The following SRFBP1 variants were observed in gnomAD, a reference collection of about 807,000 sequenced individuals.
SRFBP1 encodes serum response factor binding protein 1.
In SRFBP1, 47 loss-of-function variants were observed where a neutral mutation model predicts 45.5. That is an observed-to-expected ratio of 1.03 (90% CI 0.82 to 1.32). The LOEUF (loss-of-function observed/expected upper bound fraction) is 1.32, where lower values mean the gene tolerates loss of function less well. SRFBP1 is among the 40% of genes most tolerant of loss of function. The pLI is 0.00. For synonymous variants in SRFBP1, 203 were observed against 166.3 expected, an observed-to-expected ratio of 1.22 and a Z score of -1.70; for missense variants, 621 against 484.6, an observed-to-expected ratio of 1.28 and a Z score of -2.64.
intron 3 of SRFBP1, among the ~76,000 whole-genome samples, chr5:121,993,504 C>T (rs1310509204): frequency 1.3e-5 from 2 of 152,046 alleles, no homozygotes; most frequent in Non-Finnish European, 2.9e-5. Flanking sequence ...GGCAGTAGGC[C>T]AGAAAGATGA....
chr5:122,020,739 C>G lies in SRFBP1; in HGVS notation c.1004C>G (p.Thr335Arg). ...DTRNDKIKPS[T>R]ETRKLESVFF... ...AGAAATGACAAAATCAAGCCAAGTA[C>G]AGAAACCAGAAAGTTAGAATCAGTG... The change falls in exon 6 of 8, where the codon ACA (threonine) becomes AGA (arginine). Residue 335 changes from threonine to arginine, a missense_variant. Thr to Arg is a moderately conservative substitution (Grantham distance 71). Coordinates refer to ENST00000339397, the MANE Select transcript of SRFBP1 (RefSeq NM_152546.3). 1.2e-6 allele frequency: 2 copies of G among 1,606,194 alleles called. No individual in the cohort carries two copies. The highest frequency in any genetic ancestry group is 1.7e-6 in the Non-Finnish European group (2 of 1,177,972).
In SRFBP1 at chr5:121,988,573, G is replaced by A. The variant is rs539962402; in HGVS notation, c.199-6026G>A. On this transcript the variant is annotated intron_variant, in intron 3 of 7. Coordinates refer to ENST00000339397, the MANE Select transcript of SRFBP1 (RefSeq NM_152546.3). Reference sequence around the variant, plus strand: ...GTTCAAAGTGTTGTCAACCAGGAAAGCTCACCTGAGCCTAGGTGTTGAGGG... The same window carrying A: ...GTTCAAAGTGTTGTCAACCAGGAAAACTCACCTGAGCCTAGGTGTTGAGGG... 2.6e-5 allele frequency among the ~76,000 whole-genome samples: 4 copies of A among 152,348 alleles called. No homozygotes were observed. The South Asian group carries it at 8.3e-4, about 32-fold the overall frequency.
chr5:122,015,598 CTT>C (rs1219220313), intron 4 of SRFBP1, among the ~76,000 whole-genome samples: 1 of 152,208 alleles, frequency 6.6e-6, no homozygotes, highest in African/African-American at 2.4e-5. Flanking sequence ...AAATGAATGA[CTT>C]TGGCTTTGTT....
At chr5:121,962,220 C>A in intron 1 of SRFBP1, 152 bp downstream of exon 1, 1 of 877,536 alleles carries the variant, frequency 1.1e-6, no homozygotes, top group Non-Finnish European at 1.8e-6. Flanking sequence ...GTTTGGCAAC[C>A]GGTAATTTCC....
intron 4 of SRFBP1, among the ~76,000 whole-genome samples, chr5:122,012,174 T>G (rs557663575): frequency 6.6e-6 from 1 of 152,206 alleles, no homozygotes; most frequent in South Asian, 2.1e-4. Flanking sequence ...GATAAAATCT[T>G]TGGTCCATTT....
intron 4 of SRFBP1, among the ~76,000 whole-genome samples, chr5:122,008,165 T>G (rs1368734815): frequency 6.6e-6 from 1 of 151,792 alleles, no homozygotes; most frequent in Middle Eastern, 3.2e-3. Context: ...TGGGCTGCCC[T>G]GAAGCCTAGG....
At chr5:122,073,447 GC>G (rs1359216527) in intron 2 of SRFBP1, among the ~76,000 whole-genome samples, 2 of 152,122 alleles carry the variant, frequency 1.3e-5, no homozygotes, top group East Asian at 3.8e-4. Flanking sequence ...TTTTTAAAGT[GC>G]TTTTAAAGAA....
In SRFBP1 at chr5:121,980,714, A is replaced by C. The variant is rs139296160; in HGVS notation, c.198+5327A>C. On this transcript the variant is annotated intron_variant, in intron 3 of 7. Transcript: ENST00000339397. ...TGGATTTGGTTATTTTTTTCGAATA[A>C]GTGGTTGTTTGAATGAATTTTCTTG... Among the ~76,000 whole-genome samples, 313 of 152,186 alleles carry C rather than the reference A, an allele frequency of 2.1e-3. 2 individuals carry two copies. Among genetic ancestry groups the C allele is most frequent in the South Asian group, 4.1e-3 (20 of 4,822 alleles).
At position 121,967,345 on chromosome 5, in the gene SRFBP1, A is replaced by G. The variant is rs575058254; in HGVS notation, c.36+5277A>G. On this transcript the variant is annotated intron_variant, in intron 1 of 7. Coordinates refer to ENST00000339397, the MANE Select transcript of SRFBP1 (RefSeq NM_152546.3). ...AATATTAAATTAGGGCATTTCCGTAAGAACCAATTTGTGTTTAGTTATTAA... is the reference window on the plus strand; with the variant it reads ...AATATTAAATTAGGGCATTTCCGTAGGAACCAATTTGTGTTTAGTTATTAA... Among the ~76,000 whole-genome samples the G allele has an allele frequency of 2.6e-5, 4 of 152,282 alleles. No individual in the cohort carries two copies. The East Asian group carries it at 5.8e-4, about 22-fold the overall frequency.
At chr5:122,057,459 CTGTGTGTGTGTGTGTGTGTGTGTGTG>C (rs3028227) in intron 2 of SRFBP1, among the ~76,000 whole-genome samples, 1 of 146,430 alleles carries the variant, frequency 6.8e-6, no homozygotes, top group Non-Finnish European at 1.5e-5. Flanking sequence ...GTTCTCAGTT[CTGTGTGTGTGTGTGTGTGTGTGTGTG>C]TGTGTGTGTA....
intron 2 of SRFBP1, among the ~76,000 whole-genome samples, chr5:122,061,330 A>G (rs898625762): frequency 6.6e-6 from 1 of 151,834 alleles, no homozygotes; most frequent in Non-Finnish European, 1.5e-5. Context: ...AGAACTGGCA[A>G]TATTGTTTCT....
intron 4 of SRFBP1, among the ~76,000 whole-genome samples, chr5:122,017,043 A>G (rs1193742672): frequency 6.6e-6 from 1 of 152,108 alleles, no homozygotes; most frequent in African/African-American, 2.4e-5. Flanking sequence ...AGCCTGGCCA[A>G]CGTGGTGAAA....
chr5:122,001,546 CTTTTTTTTTTTTTTT>C lies in SRFBP1; in HGVS notation c.270+6888_270+6902del, dbSNP rs1166482651. 2.9e-5 allele frequency among the ~76,000 whole-genome samples: 3 copies of C among 104,888 alleles called. No individual in the cohort carries two copies. The Admixed American group carries it at 2.9e-4, about 10-fold the overall frequency. The allele number at this position is 104,888 out of a possible 152,430, so 68.8% of individuals were successfully genotyped here. ...AAGAAGCCAAGTCATCCTTTGGTATCTTTTTTTTTTTTTTTTTTTTTTTTTTGAGACGGAGTCTCG... is the reference window on the plus strand; with the variant it reads ...AAGAAGCCAAGTCATCCTTTGGTATCTTTTTTTTTTTGAGACGGAGTCTCG... On this transcript the variant is annotated intron_variant, in intron 4 of 7. Transcript: ENST00000339397.
chr5:122,000,235 A>C (rs570796051), intron 4 of SRFBP1, among the ~76,000 whole-genome samples: 1 of 152,064 alleles, frequency 6.6e-6, no homozygotes, highest in Admixed American at 6.5e-5. Flanking sequence ...TATGCCTTCT[A>C]TTGTGCCATT....
At chr5:122,077,542 C>G, downstream of SRFBP1, 1 of 1,613,588 alleles carries the variant, frequency 6.2e-7, no homozygotes, top group Non-Finnish European at 8.5e-7. The surrounding 1 kb of genome is among the most constrained non-coding windows in gnomAD (Gnocchi z 4.9). Context: ...GAACTTCTCC[C>G]GGCGCTGTCT....
chr5:122,002,005 ATT>A (rs1752883494), intron 4 of SRFBP1, among the ~76,000 whole-genome samples: 1 of 152,218 alleles, frequency 6.6e-6, no homozygotes, highest in African/African-American at 2.4e-5. Context: ...AAAAATACTC[ATT>A]CTTATATTAC....
At chr5:121,992,624 G>GC (rs1752641792) in intron 3 of SRFBP1, among the ~76,000 whole-genome samples, 3 of 152,046 alleles carry the variant, frequency 2.0e-5, no homozygotes, top group African/African-American at 7.2e-5. Context: ...AGCACACAAT[G>GC]TGTAATTAAT....
intron 4 of SRFBP1, among the ~76,000 whole-genome samples, chr5:122,018,483 A>T (rs1753231133): frequency 6.6e-6 from 1 of 152,200 alleles, no homozygotes. Flanking sequence ...AGGCCTGAGC[A>T]ACCAGAACAA....
chr5:121,994,215 TC>T (rs1332741810), intron 3 of SRFBP1, among the ~76,000 whole-genome samples: 2 of 152,018 alleles, frequency 1.3e-5, no homozygotes, highest in African/African-American at 4.8e-5. Context: ...ATCTTCTTTG[TC>T]TTCATTTTGT....
Sources: gnomAD v4.1 joint callset for allele counts (sites outside exome capture counted in the v4.1 genomes callset) on GRCh38, gnomAD v4.1.1 for gene constraint, Gnocchi (gnomAD v3.1) non-coding constraint, MANE v1.5 for transcripts, NCBI Gene and HGNC (gene_info 2026-07-23, HGNC 2026-07-21) for gene names.